Variants in HADH observed in about 807,000 individuals in gnomAD.
The protein encoded by HADH is hydroxyacyl-coenzyme A dehydrogenase, mitochondrial.
HADH carries 24 observed loss-of-function variants against 32.2 expected under a neutral mutation model. That is an observed-to-expected ratio of 0.75 (90% CI 0.54 to 1.05). HADH has a LOEUF of 1.05. Ranked by LOEUF, HADH falls within the 50% of genes least tolerant of loss-of-function variation. HADH has a pLI of 0.00. For missense variants in HADH, 350 were observed against 397.1 expected (o/e 0.88, Z 1.01); for synonymous variants, 139 against 152.5 (o/e 0.91, Z 0.65).
rs574960574 is a variant in HADH at position 107,992,732 on chromosome 4, C to T, written c.132+2668C>T. ...AAATTCAATGAATTCATGCATATGT[C>T]AAGCAGTTACATATATCAAGCATAT... On this transcript the variant is annotated intron_variant, in intron 1 of 7. Coordinates refer to ENST00000309522, the MANE Select transcript of HADH (RefSeq NM_005327.7). Among the ~76,000 whole-genome samples, 13 of 152,258 alleles carry T rather than the reference C, an allele frequency of 8.5e-5. 1 individual carries two copies. In the South Asian group the frequency reaches 2.7e-3, roughly 32 times the overall value.
rs1411528622 is a variant in HADH, at chr4:108,009,964, GCTTT to G, written c.261+90_261+93del. On this transcript the variant is annotated intron_variant, in intron 2 of 7. Transcript: ENST00000309522. Reference sequence around the variant, plus strand: ...TTTGCAGGGCAATGGGGGATTTCTGGCTTTCTTTCTTTCTTTTTTTTTTTTTTTT... The same window carrying G: ...TTTGCAGGGCAATGGGGGATTTCTGGCTTTCTTTCTTTTTTTTTTTTTTTT... The G allele has an allele frequency of 1.9e-5, 17 of 897,732 alleles. No individual in the cohort carries two copies. In the South Asian group the frequency reaches 2.4e-4, roughly 12 times the overall value. 55.6% of individuals were successfully genotyped at this position (897,732 alleles called of 1,614,324 possible).
chr4:107,993,567 A>C (rs895304816), intron 1 of HADH, among the ~76,000 whole-genome samples: 6 of 152,190 alleles, frequency 3.9e-5, no homozygotes, highest in African/African-American at 1.4e-4. Flanking sequence ...GGATGAAAAA[A>C]TATTTAAATA....
In HADH at chr4:108,034,677, A is replaced by G. The variant is rs1483019067; in HGVS notation, c.*320A>G. ...AAGAATTGCCTAGATTCCTTCTCTC[A>G]TCAACGGGAAAGTACTTCCTCTGAG... is the stretch of plus-strand genomic sequence containing the variant. On this transcript the variant is annotated 3_prime_UTR_variant, in exon 8 of 8. Transcript: ENST00000309522. The G allele has an allele frequency of 2.2e-5, 8 of 362,922 alleles. No individual in the cohort carries two copies. The highest frequency in any genetic ancestry group is 1.5e-4 in the South Asian group (7 of 46,922). 22.5% of individuals were successfully genotyped at this position (362,922 alleles called of 1,614,324 possible). A position where few individuals can be genotyped will look rare whatever the true frequency, so the allele number is the denominator to read the frequency against.
chr4:108,034,212 C>A, intron 7 of HADH, 27 bp from the exon 8 acceptor site: 1 of 1,396,708 alleles, frequency 7.2e-7, no homozygotes, highest in South Asian at 1.2e-5. Flanking sequence ...GCACTTCATC[C>A]TGAGTTCTCT....
At chr4:108,011,974 C>T (rs1735510956) in intron 2 of HADH, among the ~76,000 whole-genome samples, 1 of 152,056 alleles carries the variant, frequency 6.6e-6, no homozygotes, top group Admixed American at 6.5e-5. Context: ...TCACTATAGC[C>T]TTGAACTCCT....
intron 3 of HADH, among the ~76,000 whole-genome samples, chr4:108,017,398 A>G (rs1411989542): frequency 6.6e-6 from 1 of 152,092 alleles, no homozygotes; most frequent in Non-Finnish European, 1.5e-5. Context: ...TCTTCTTTAT[A>G]CTAGGGTCTG....
intron 1 of HADH, among the ~76,000 whole-genome samples, chr4:108,001,274 C>T (rs1266408995): frequency 6.6e-6 from 1 of 152,090 alleles, no homozygotes; most frequent in African/African-American, 2.4e-5. Flanking sequence ...GTGATAACTG[C>T]AGCTTAGATA....
intron 6 of HADH, chr4:108,028,675 T>C: frequency 2.5e-6 from 1 of 393,000 alleles, no homozygotes; most frequent in East Asian, 3.6e-5. Flanking sequence ...GGTTTATCTA[T>C]CAACAAATAT....
At chr4:108,011,600 C>T (rs1735495713) in intron 2 of HADH, among the ~76,000 whole-genome samples, 1 of 152,178 alleles carries the variant, frequency 6.6e-6, no homozygotes, top group Non-Finnish European at 1.5e-5. Context: ...AATAATGCTG[C>T]AGTGAACATT....
intron 2 of HADH, among the ~76,000 whole-genome samples, chr4:108,011,402 C>T (rs1560729329): frequency 1.3e-5 from 2 of 152,110 alleles, no homozygotes; most frequent in African/African-American, 4.8e-5. Flanking sequence ...TCTTACATGG[C>T]AGCAGGCAAG....
chr4:108,000,777 A>G (rs1435570702), intron 1 of HADH, among the ~76,000 whole-genome samples: 2 of 152,234 alleles, frequency 1.3e-5, no homozygotes, highest in African/African-American at 4.8e-5. Context: ...CCACATGAAC[A>G]AGGGCACAGA....
chr4:107,995,473 C>T lies in HADH; in HGVS notation c.132+5409C>T, dbSNP rs143902652. Reference sequence around the variant, plus strand: ...ATTTCTCTTAGATTGTCTTCACTGTCGGAAGAGTTTTGATATAGGGAGTTC... The same window carrying T: ...ATTTCTCTTAGATTGTCTTCACTGTTGGAAGAGTTTTGATATAGGGAGTTC... On this transcript the variant is annotated intron_variant, in intron 1 of 7. Coordinates refer to ENST00000309522, the MANE Select transcript of HADH (RefSeq NM_005327.7). Among the ~76,000 whole-genome samples, 451 of 152,164 alleles carry T rather than the reference C, an allele frequency of 3.0e-3. 5 individuals are homozygous for T. Among genetic ancestry groups the T allele is most frequent in the African/African-American group, 9.9e-3 (410 of 41,510 alleles).
intron 1 of HADH, among the ~76,000 whole-genome samples, chr4:108,007,317 C>T (rs1391813397): frequency 1.3e-5 from 2 of 152,086 alleles, no homozygotes; most frequent in African/African-American, 4.8e-5. Context: ...CCGTGTTAGC[C>T]AGGATGGTCT....
At chr4:107,993,271 C>G (rs1471792636) in intron 1 of HADH, among the ~76,000 whole-genome samples, 1 of 152,180 alleles carries the variant, frequency 6.6e-6, no homozygotes, top group Non-Finnish European at 1.5e-5. Context: ...CCTGTTTCAT[C>G]TTGCTTAATC....
chr4:108,009,233 A>C (rs1735395743), intron 1 of HADH, among the ~76,000 whole-genome samples: 2 of 152,342 alleles, frequency 1.3e-5, no homozygotes, highest in South Asian at 2.1e-4. Flanking sequence ...CAAGCTGTAC[A>C]AGGGGCTCCA....
intron 4 of HADH, among the ~76,000 whole-genome samples, chr4:108,021,367 GCTA>G (rs1392044243): frequency 2.4e-4 from 37 of 152,182 alleles, no homozygotes; most frequent in African/African-American, 8.4e-4. Context: ...TTTAGCAAAT[GCTA>G]CTATTTTTTA....
chr4:108,012,483 G>C (rs894755709), intron 2 of HADH, among the ~76,000 whole-genome samples: 1 of 152,156 alleles, frequency 6.6e-6, no homozygotes, highest in South Asian at 2.1e-4. Context: ...AACCTGACAC[G>C]TCCATCTTAC....
At chr4:108,024,539 CT>C (rs1176189134) in intron 5 of HADH, 1 of 152,176 alleles carries the variant, frequency 6.6e-6, no homozygotes, top group African/African-American at 2.4e-5. Context: ...AGAGAGCAGG[CT>C]TGTGTGTCCT....
At chr4:108,019,878 A>T (rs1735826052) in intron 4 of HADH, among the ~76,000 whole-genome samples, 2 of 152,150 alleles carry the variant, frequency 1.3e-5, no homozygotes, top group South Asian at 4.1e-4. Context: ...AAAGGCTGTT[A>T]ACTTTGTGGA....
Sources: gnomAD v4.1 joint callset for allele counts (sites outside exome capture counted in the v4.1 genomes callset) on GRCh38, gnomAD v4.1.1 for gene constraint, MANE v1.5 for transcripts, NCBI Gene and HGNC (gene_info 2026-07-23, HGNC 2026-07-21) for gene names.